Variants in SLC2A7 observed in about 807,000 individuals in gnomAD.
SLC2A7 encodes the protein solute carrier family 2 member 7, also known as solute carrier family 2, facilitated glucose transporter member 7.
A neutral mutation model predicts 50.5 loss-of-function variants in SLC2A7; 50 were observed. The ratio of observed to expected loss-of-function variants is 0.99; its 90% CI spans 0.79 to 1.25. The LOEUF (loss-of-function observed/expected upper bound fraction) is 1.25, where lower values mean the gene tolerates loss of function less well. Ranked by LOEUF, SLC2A7 falls within the 50% of genes most tolerant of loss-of-function variation. The probability of loss-of-function intolerance (pLI) is 0.00; values close to 1 mark genes in which losing one functional copy is unlikely to be tolerated. For synonymous variants in SLC2A7, 308 were observed against 300.4 expected (o/e 1.03, Z -0.26); for missense variants, 683 against 679.1 (o/e 1.01, Z -0.06).
chr1:9,004,387 G>A (rs899431956), intron 11 of SLC2A7, among the ~76,000 whole-genome samples: 1 of 150,364 alleles, frequency 6.7e-6, no homozygotes, highest in Non-Finnish European at 1.5e-5. Flanking sequence ...TATGGCCTCT[G>A]TGCCCTGAAG....
intron 8 of SLC2A7, among the ~76,000 whole-genome samples, chr1:9,013,062 T>G (rs1640772366): frequency 6.6e-6 from 1 of 152,218 alleles, no homozygotes; most frequent in East Asian, 1.9e-4. Context: ...AGCTCATTTT[T>G]GTATTTTTTA....
downstream of SLC2A7, among the ~76,000 whole-genome samples, chr1:8,999,899 A>G (rs1471355278): frequency 1.3e-5 from 2 of 152,144 alleles, no homozygotes; most frequent in African/African-American, 4.8e-5. Flanking sequence ...CTCTGGGATG[A>G]GCGTGCAGGG....
rs1640701493 is a variant in SLC2A7 at position 9,008,984 on chromosome 1, T to C, written c.1116+1159A>G. ...TTATGAGCATCACTAACACTGTTCG[T>C]CGCCAGGCCTTGCTTTCCCCGCAGG... On this transcript the variant is annotated intron_variant, in intron 9 of 11. Coordinates refer to ENST00000400906, the MANE Select transcript of SLC2A7 (RefSeq NM_207420.3). This position sits in a 1 kb window ranked among gnomAD's most constrained non-coding sequence, Gnocchi z 5.9. Among the ~76,000 whole-genome samples the C allele has an allele frequency of 6.6e-6, 1 of 152,226 alleles. No homozygotes were observed.
In SLC2A7 at chr1:9,014,840, G is replaced by A. The variant is rs779315736; in HGVS notation, c.744C>T (p.Asp248=). 1 of 1,604,270 alleles carries A rather than the reference G, an allele frequency of 6.2e-7. No individual in the cohort carries two copies. The highest frequency in any genetic ancestry group is 1.7e-5 in the Admixed American group (1 of 58,896). ...GCATGTCCTCCAGCTCGGCCTCCAT[G>A]TCCGTGTGGCCTCTCAGCCTCCTCA... The part of the protein sequence containing the change: ...QALRRLRGHT[D]MEAELEDMRA... Residue 248 remains aspartate (D), a synonymous_variant, in exon 7 of 12, where the codon GAC becomes GAT. Coordinates refer to ENST00000400906, the MANE Select transcript of SLC2A7 (RefSeq NM_207420.3).
chr1:9,023,838 CTTTTTTTTTTTTTTTTTT>C (rs1162143987), intron 2 of SLC2A7, among the ~76,000 whole-genome samples: 4 of 17,156 alleles, frequency 2.3e-4, no homozygotes, highest in African/African-American at 4.8e-4. Flanking sequence ...TATTCTTCTT[CTTTTTTTTTTTTTTTTTT>C]TTTTTTTTTT....
At chr1:9,024,905 TGGC>T (rs1640971749) in intron 2 of SLC2A7, 68 bp downstream of exon 2, 9 of 1,544,162 alleles carry the variant, frequency 5.8e-6, no homozygotes, top group Non-Finnish European at 8.0e-6. Context: ...CGGAGGAAGA[TGGC>T]GGCTACCTTC....
intron 8 of SLC2A7, among the ~76,000 whole-genome samples, chr1:9,010,578 G>A (rs551517527): frequency 1.3e-5 from 2 of 151,914 alleles, no homozygotes; most frequent in Non-Finnish European, 2.9e-5. Context: ...GGCTGGTCTC[G>A]AACTCCTGGC....
intron 10 of SLC2A7, among the ~76,000 whole-genome samples, chr1:9,005,636 T>C (rs1460556398): frequency 6.6e-6 from 1 of 151,682 alleles, no homozygotes; most frequent in African/African-American, 2.4e-5. Context: ...TGAAACCCCA[T>C]CTCTACTAAA....
At chr1:9,009,517 T>A (rs927309007) in intron 9 of SLC2A7, among the ~76,000 whole-genome samples, 2 of 152,218 alleles carry the variant, frequency 1.3e-5, no homozygotes, top group African/African-American at 4.8e-5. Context: ...AGTACAATGG[T>A]GCGATCATGG....
intron 8 of SLC2A7, among the ~76,000 whole-genome samples, chr1:9,012,867 T>G (rs190894751): frequency 1.8e-4 from 28 of 152,268 alleles, no homozygotes; most frequent in African/African-American, 6.5e-4. Context: ...GGAAGAAACT[T>G]GGATCTGAAG....
chr1:9,014,539 T>C, intron 7 of SLC2A7, 142 bp downstream of exon 7: 1 of 975,104 alleles, frequency 1.0e-6, no homozygotes, highest in East Asian at 2.8e-5. Flanking sequence ...AGGAGTGAGG[T>C]TTCTTCCTGA....
At position 9,015,112 on chromosome 1, in the gene SLC2A7, C is replaced by A; in HGVS notation, c.715+5G>T. 1 of 1,613,118 alleles carries A rather than the reference C, an allele frequency of 6.2e-7. No individual in the cohort carries two copies. Among genetic ancestry groups the A allele is most frequent in the Non-Finnish European group, 8.5e-7 (1 of 1,179,718 alleles). The stretch of plus-strand genomic sequence containing the variant: ...GGCCTGGGAGAGTAGCCGGCGACTT[C>A]ATACCTTGTCGCGCTGTGGCTTCAT... On this transcript the variant is annotated splice_donor_5th_base_variant and intron_variant, in intron 6 of 11. Transcript: ENST00000400906.
the SLC2A7 span, among the ~76,000 whole-genome samples, chr1:8,994,295 T>C: frequency 2.6e-5 from 4 of 152,200 alleles, no homozygotes; most frequent in Admixed American, 1.3e-4. Context: ...GTCACGTCTT[T>C]GGAGCACCTG....
Position 9,010,227 on chromosome 1 carries a change from C to A in SLC2A7, c.1032G>T (p.Arg344=). 1 of 1,551,166 alleles carries A rather than the reference C, an allele frequency of 6.4e-7. No homozygotes were observed. Among genetic ancestry groups the A allele is most frequent in the East Asian group, 2.4e-5 (1 of 40,916 alleles). The part of the protein sequence containing the change: ...MTITSAVLVE[R]LGRRHLLLAG... The stretch of plus-strand genomic sequence containing the variant: ...CCAGCAGGAGGTGCCGCCGTCCCAG[C>A]CGCTCCACAAGGACAGCCTGGAGGG... Residue 344 remains arginine (R), a synonymous_variant, in exon 9 of 12, where the codon CGG becomes CGT. Coordinates refer to ENST00000400906, the MANE Select transcript of SLC2A7 (RefSeq NM_207420.3).
In SLC2A7 at chr1:9,022,029, G is replaced by A. The variant is rs568254767; in HGVS notation, c.311+889C>T. ...TTCTTCTTTCCAGCGCATAATGTAT[G>A]GCAAATTAATTGTCGATCAAGTATA... On this transcript the variant is annotated intron_variant, in intron 3 of 11. Coordinates refer to ENST00000400906, the MANE Select transcript of SLC2A7 (RefSeq NM_207420.3). Among the ~76,000 whole-genome samples the A allele has an allele frequency of 2.6e-5, 4 of 152,266 alleles. No individual in the cohort carries two copies. The South Asian group carries it at 8.3e-4, about 32-fold the overall frequency.
chr1:8,993,691 G>A, the SLC2A7 span, among the ~76,000 whole-genome samples: 1 of 152,136 alleles, frequency 6.6e-6, no homozygotes, highest in Admixed American at 6.5e-5. Flanking sequence ...GCAGTGGCAC[G>A]ATCTTGGCTC....
Position 9,015,235 on chromosome 1 carries a change from C to T in SLC2A7, c.597G>A (p.Pro199=), listed in dbSNP as rs749444609. ...QAILGNPAGW[P]VLLALTGVPA... Reference sequence around the variant, plus strand: ...GCACCCCTGTGAGCGCCAGAAGCACCGGCCAGCCTGCAAGGAGCCAAGGAC... The same window carrying T: ...GCACCCCTGTGAGCGCCAGAAGCACTGGCCAGCCTGCAAGGAGCCAAGGAC... Residue 199 remains proline, a synonymous_variant, in exon 6 of 12, where the codon CCG becomes CCA. Coordinates refer to ENST00000400906, the MANE Select transcript of SLC2A7 (RefSeq NM_207420.3). 1.4e-5 allele frequency: 22 copies of T among 1,594,742 alleles called. No homozygotes were observed. The South Asian group carries it at 1.6e-4, about 12-fold the overall frequency.
chr1:9,007,412 G>A (rs1410031825), intron 9 of SLC2A7, 27 bp from the exon 10 acceptor site: 3 of 1,612,368 alleles, frequency 1.9e-6, no homozygotes, highest in Non-Finnish European at 2.5e-6. Context: ...GGCTGTCTGG[G>A]CTGAGGCCAG....
Position 9,023,012 on chromosome 1 carries a change from T to A in SLC2A7, c.217A>T (p.Met73Leu). The A allele has an allele frequency of 1.9e-6, 3 of 1,614,220 alleles. No individual in the cohort carries two copies. Among genetic ancestry groups the A allele is most frequent in the Non-Finnish European group, 2.5e-6 (3 of 1,180,036 alleles). ...RHATFMDGKL[M>L]LLLWSCTVSM... is the part of the protein sequence containing the mutation. ...ACGGTGCAAGACCATAGAAGCAGCA[T>A]GAGCTTCCCGTCCATGAATGTTGCG... The change falls in exon 3 of 12, where the codon ATG (methionine) becomes TTG (leucine). Residue 73 changes from methionine (M) to leucine (L), a missense_variant. Coordinates refer to ENST00000400906, the MANE Select transcript of SLC2A7 (RefSeq NM_207420.3).
Sources: allele counts gnomAD v4.1 joint callset (sites outside exome capture counted in the v4.1 genomes callset), GRCh38; gene constraint gnomAD v4.1.1; non-coding constraint Gnocchi (gnomAD v3.1); transcripts MANE v1.5; gene names NCBI Gene and HGNC (gene_info 2026-07-23, HGNC 2026-07-21).